Variants in FAM227B observed in about 807,000 individuals in gnomAD.
The protein encoded by FAM227B is family with sequence similarity 227 member B, also known as protein FAM227B.
A neutral mutation model predicts 73.8 loss-of-function variants in FAM227B; 88 were observed. That is an observed-to-expected ratio of 1.19 (90% confidence interval 1.00 to 1.42). The LOEUF (loss-of-function observed/expected upper bound fraction) is 1.42. FAM227B is among the 40% of genes most tolerant of loss of function. The pLI, the probability that FAM227B is intolerant of heterozygous loss-of-function variation, is 0.00. For missense variants in FAM227B, 632 were observed against 590.9 expected (o/e 1.07, Z -0.72); for synonymous variants, 210 against 190.5 (o/e 1.10, Z -0.84).
At chr15:49,591,605 C>T (rs551928176) in intron 3 of FAM227B, among the ~76,000 whole-genome samples, 4 of 151,064 alleles carry the variant, frequency 2.6e-5, no homozygotes, top group African/African-American at 9.8e-5. Flanking sequence ...CCTGCCTCAG[C>T]CTCCCAAGTA....
At chr15:49,484,796 ATTAAT>A (rs2056269928) in intron 11 of FAM227B, 1 of 233,768 alleles carries the variant, frequency 4.3e-6, no homozygotes, top group African/African-American at 2.3e-5. Flanking sequence ...TTTTTCTTAA[ATTAAT>A]TTACCCTTAA....
intron 13 of FAM227B, among the ~76,000 whole-genome samples, chr15:49,355,609 T>A (rs2043019614): frequency 6.6e-6 from 1 of 152,094 alleles, no homozygotes; most frequent in Non-Finnish European, 1.5e-5. Context: ...CAAATCTACG[T>A]CTGACTGGTG....
intron 11 of FAM227B, among the ~76,000 whole-genome samples, chr15:49,448,260 A>G (rs1045564854): frequency 8.0e-5 from 12 of 150,874 alleles, no homozygotes; most frequent in Non-Finnish European, 1.8e-4. Flanking sequence ...TTTTTTCTAC[A>G]TCTCCTTCCA....
intron 3 of FAM227B, among the ~76,000 whole-genome samples, chr15:49,610,665 A>G (rs928051614): frequency 6.6e-6 from 1 of 152,082 alleles, no homozygotes; most frequent in African/African-American, 2.4e-5. Context: ...CTTACTTGAC[A>G]TTCCTCAATG....
At chr15:49,394,768 C>T (rs927879296) in intron 11 of FAM227B, among the ~76,000 whole-genome samples, 3 of 152,034 alleles carry the variant, frequency 2.0e-5, no homozygotes, top group Non-Finnish European at 2.9e-5. Context: ...GAGTTAGGAG[C>T]AGTAGGAAGG....
In FAM227B at chr15:49,620,765, G is replaced by C. The variant is rs2078656062; in HGVS notation, c.-138C>G. The C allele has an allele frequency of 6.6e-6, 1 of 152,256 alleles. No homozygotes were observed. Among genetic ancestry groups the C allele is most frequent in the African/African-American group, 2.4e-5 (1 of 41,460 alleles). The allele number at this position is 152,256 out of a possible 1,614,324, so 9.4% of individuals were successfully genotyped here. A position where few individuals can be genotyped will look rare whatever the true frequency, so the allele number is the denominator to read the frequency against. ...CAATTTTGTTGTCCCAGCAAGAATC[G>C]GGAGGAAACTGGGTGAAAGGCTGCG... On this transcript the variant is annotated 5_prime_UTR_variant, in exon 1 of 16. Coordinates refer to ENST00000299338, the MANE Select transcript of FAM227B (RefSeq NM_152647.3).
chr15:49,330,094 A>G (rs949138876), intron 15 of FAM227B: 4 of 152,290 alleles, frequency 2.6e-5, no homozygotes, highest in Non-Finnish European at 5.9e-5. Flanking sequence ...AAAAAAGATC[A>G]TGCAGTAAAT....
intron 4 of FAM227B, among the ~76,000 whole-genome samples, chr15:49,588,721 G>A (rs1245667352): frequency 6.7e-6 from 1 of 150,082 alleles, no homozygotes; most frequent in Non-Finnish European, 1.5e-5. Flanking sequence ...GTGTCTGTGT[G>A]TATGTGTGTA....
chr15:49,499,606 A>C (rs1567410988), intron 11 of FAM227B, among the ~76,000 whole-genome samples: 1 of 152,224 alleles, frequency 6.6e-6, no homozygotes. Context: ...TGTGTAAAAG[A>C]AGCGCAAACT....
At chr15:49,357,980 C>G (rs2043469323) in intron 13 of FAM227B, among the ~76,000 whole-genome samples, 2 of 152,020 alleles carry the variant, frequency 1.3e-5, no homozygotes, top group South Asian at 2.1e-4. Context: ...GAGCCAAAGA[C>G]AAAAACCACA....
intron 13 of FAM227B, chr15:49,366,174 T>G: frequency 2.3e-6 from 2 of 878,480 alleles, no homozygotes; most frequent in Admixed American, 3.4e-5. Flanking sequence ...ACCACCATAG[T>G]ATAATCAAAG....
intron 5 of FAM227B, among the ~76,000 whole-genome samples, chr15:49,583,887 T>G (rs1057422729): frequency 1.3e-5 from 2 of 151,964 alleles, no homozygotes; most frequent in African/African-American, 2.4e-5. Flanking sequence ...ATCAACCTAT[T>G]AAAGCCCACG....
chr15:49,453,137 T>A (rs1222577587), intron 11 of FAM227B, among the ~76,000 whole-genome samples: 1 of 152,172 alleles, frequency 6.6e-6, no homozygotes, highest in Non-Finnish European at 1.5e-5. Flanking sequence ...GGTAGTAGCA[T>A]GTTTGGTTCC....
At chr15:49,456,247 C>G (rs963565760) in intron 11 of FAM227B, among the ~76,000 whole-genome samples, 2 of 151,876 alleles carry the variant, frequency 1.3e-5, no homozygotes, top group African/African-American at 2.4e-5. Flanking sequence ...AATTATTACC[C>G]CAGTTCCCAA....
At chr15:49,420,850 C>T (rs1046809684) in intron 11 of FAM227B, among the ~76,000 whole-genome samples, 7 of 152,188 alleles carry the variant, frequency 4.6e-5, no homozygotes, top group Non-Finnish European at 7.4e-5. Context: ...GGACTACAGG[C>T]GCCCGCTACC....
At chr15:49,552,120 G>GT (rs938657011) in intron 9 of FAM227B, among the ~76,000 whole-genome samples, 1 of 152,098 alleles carries the variant, frequency 6.6e-6, no homozygotes, top group East Asian at 1.9e-4. Context: ...GCTCATTAAT[G>GT]TTTTTTCTTT....
intron 13 of FAM227B, among the ~76,000 whole-genome samples, chr15:49,351,181 A>G (rs11070687): frequency 0.41 from 62,972 of 152,092 alleles, 13,174 homozygotes; most frequent in African/African-American, 0.43. Context: ...TAAGAACTGC[A>G]TAGGCACAGT....
chr15:49,366,314 G>A (rs1006330304), intron 13 of FAM227B: 9 of 787,230 alleles, frequency 1.1e-5, no homozygotes, highest in Non-Finnish European at 1.9e-5. Context: ...TCTGTTACCT[G>A]AGGTAGGAAA....
intron 9 of FAM227B, among the ~76,000 whole-genome samples, chr15:49,551,892 C>A (rs1282619429): frequency 6.6e-6 from 1 of 152,122 alleles, no homozygotes; most frequent in East Asian, 1.9e-4. Flanking sequence ...TTTGTCCCCC[C>A]ACTTTTTAAC....
Sources: gnomAD v4.1 joint callset for allele counts (sites outside exome capture counted in the v4.1 genomes callset) on GRCh38, gnomAD v4.1.1 for gene constraint, MANE v1.5 for transcripts, NCBI Gene and HGNC (gene_info 2026-07-23, HGNC 2026-07-21) for gene names.